The following CBFA2T3 variants were observed in gnomAD, a reference collection of about 807,000 sequenced individuals.
CBFA2T3 encodes CBFA2/RUNX1 partner transcriptional co-repressor 3.
CBFA2T3 carries 31 observed loss-of-function variants against 58.6 expected under a neutral mutation model. The observed-to-expected ratio is 0.53, with a 90% confidence interval of 0.40 to 0.71. The LOEUF (loss-of-function observed/expected upper bound fraction) is 0.71, where lower values mean the gene tolerates loss of function less well. Ranked by LOEUF, CBFA2T3 falls within the 30% of genes least tolerant of loss-of-function variation. The pLI is 0.00. For missense variants in CBFA2T3, 1,076 were observed against 963.1 expected, an observed-to-expected ratio of 1.12 and a Z score of -1.55; for synonymous variants, 531 against 421.9, an observed-to-expected ratio of 1.26 and a Z score of -3.17.
In CBFA2T3 at chr16:88,881,427, C is replaced by T. The variant is rs1391855616; in HGVS notation, c.1266G>A (p.Arg422=). ...KTRRSLTVLR[R]CQEADREELN... is the part of the protein sequence containing the mutation. The stretch of plus-strand genomic sequence containing the variant: ...GCTCCTCGCGGTCGGCCTCCTGGCA[C>T]CTGCGCAGCACCGTGAGCGAGCGCC... Residue 422 remains arginine (R), a synonymous_variant, in exon 9 of 12, where the codon AGG becomes AGA. Transcript: ENST00000268679. 1.9e-6 allele frequency: 3 copies of T among 1,609,856 alleles called. No homozygotes were observed. The highest frequency in any genetic ancestry group is 1.7e-6 in the Non-Finnish European group (2 of 1,178,860).
chr16:88,901,672 A>G lies in CBFA2T3; in HGVS notation c.152-16T>C. On this transcript the variant is annotated splice_polypyrimidine_tract_variant and intron_variant, in intron 1 of 11. Transcript: ENST00000268679. The stretch of plus-strand genomic sequence containing the variant: ...TCCACTGGGGCTGCGACCAACGGAG[A>G]AAGAAAGAGTCGGTGAAGCAGGCTA... 2 of 1,518,094 alleles carry G rather than the reference A, an allele frequency of 1.3e-6. No individual in the cohort carries two copies. The highest frequency in any genetic ancestry group is 1.5e-5 in the African/African-American group (1 of 68,464). The allele number at this position is 1,518,094 out of a possible 1,614,324, so 94.0% of individuals were successfully genotyped here.
intron 1 of CBFA2T3, among the ~76,000 whole-genome samples, chr16:88,930,091 T>C (rs1971238412): frequency 6.9e-6 from 1 of 145,536 alleles, no homozygotes; most frequent in Non-Finnish European, 1.5e-5. Context: ...CACAGCTGCA[T>C]GGTCCACGTA....
At chr16:88,945,529 A>G (rs1436060476) in intron 1 of CBFA2T3, among the ~76,000 whole-genome samples, 1 of 152,264 alleles carries the variant, frequency 6.6e-6, no homozygotes, top group Non-Finnish European at 1.5e-5. Context: ...CTCATCAGAG[A>G]AGAGATCTAG....
At chr16:88,941,475 G>T (rs1218325846) in intron 1 of CBFA2T3, among the ~76,000 whole-genome samples, 2 of 148,228 alleles carry the variant, frequency 1.3e-5, no homozygotes, top group African/African-American at 4.9e-5. Context: ...CGCCGGCCTG[G>T]AGAGGGGCTC....
In CBFA2T3 at chr16:88,879,495, G is replaced by T. The variant is rs756541203; in HGVS notation, c.1472-35C>A. On this transcript the variant is annotated intron_variant, in intron 10 of 11. Transcript: ENST00000268679. ...ACATGGGCAGGGCTGGCGGTCACAT[G>T]GGCCATCCCAGATGGGTCTCTGGAC... The T allele has an allele frequency of 2.5e-6, 4 of 1,588,364 alleles. No individual in the cohort carries two copies. In the African/African-American group the frequency reaches 4.0e-5, roughly 16 times the overall value.
chr16:88,953,439 C>T lies in CBFA2T3; in HGVS notation c.151+23218G>A, dbSNP rs1972130764. 6.6e-6 allele frequency among the ~76,000 whole-genome samples: 1 copy of T among 152,200 alleles called. No homozygotes were observed. The highest frequency in any genetic ancestry group is 1.5e-5 in the Non-Finnish European group (1 of 68,020). On this transcript the variant is annotated intron_variant, in intron 1 of 11. Transcript: ENST00000268679. This position sits in a 1 kb window ranked among gnomAD's most constrained non-coding sequence, Gnocchi z 4.9. ...CACTGTGTCCAGAGGCCAGCATAGC[C>T]CTCAAAACGGTTCCCACAGCTCCCA... is the stretch of plus-strand genomic sequence containing the variant.
At position 88,907,032 on chromosome 16, in the gene CBFA2T3, C is replaced by T. The variant is rs150669141; in HGVS notation, c.152-5376G>A. ...GGGGTGGCCGGCTCTGAGGCATGAG[C>T]GGAAGGACCATCTTTCAAACCCCAA... On this transcript the variant is annotated intron_variant, in intron 1 of 11. Transcript: ENST00000268679. Among the ~76,000 whole-genome samples the T allele has an allele frequency of 3.4e-3, 513 of 152,210 alleles. 1 individual carries two copies. Among genetic ancestry groups the T allele is most frequent in the African/African-American group, 0.011 (467 of 41,540 alleles).
chr16:88,931,027 C>A (rs1218304353), intron 1 of CBFA2T3, among the ~76,000 whole-genome samples: 2 of 152,026 alleles, frequency 1.3e-5, no homozygotes, highest in African/African-American at 4.8e-5. Context: ...TATTTTCCCA[C>A]AATTAAAAAA....
chr16:88,976,446 C>T (rs1048071458), intron 1 of CBFA2T3, among the ~76,000 whole-genome samples: 1 of 152,130 alleles, frequency 6.6e-6, no homozygotes, highest in African/African-American at 2.4e-5. Flanking sequence ...TGGCTGGCAC[C>T]TGCCAAACCC....
intron 1 of CBFA2T3, among the ~76,000 whole-genome samples, chr16:88,912,635 C>G (rs141061486): frequency 6.6e-6 from 1 of 152,336 alleles, no homozygotes; most frequent in Non-Finnish European, 1.5e-5. Flanking sequence ...CTCGTGTTTA[C>G]GCCCGTCTCC....
At chr16:88,878,026 C>A (rs1051605309) in intron 11 of CBFA2T3, among the ~76,000 whole-genome samples, 16 of 152,250 alleles carry the variant, frequency 1.1e-4, no homozygotes, top group South Asian at 4.1e-4. Flanking sequence ...AGCTTCCCTG[C>A]GGACTAGGCA....
chr16:88,896,870 G>A (rs1449076784), intron 3 of CBFA2T3, among the ~76,000 whole-genome samples: 10 of 152,110 alleles, frequency 6.6e-5, no homozygotes, highest in African/African-American at 1.9e-4. Context: ...CGGCCTGCTC[G>A]CCCTCGCCTG....
chr16:88,969,190 C>T (rs764615903), intron 1 of CBFA2T3, among the ~76,000 whole-genome samples: 21 of 152,328 alleles, frequency 1.4e-4, no homozygotes, highest in African/African-American at 2.4e-4. Flanking sequence ...GCAGCGGACA[C>T]GGCTGGAGGG....
chr16:88,974,533 C>T (rs576268525), intron 1 of CBFA2T3, among the ~76,000 whole-genome samples: 34 of 152,268 alleles, frequency 2.2e-4, no homozygotes, highest in Admixed American at 5.2e-4. Flanking sequence ...CTCTCCTGCC[C>T]GCCACCAAAC....
intron 1 of CBFA2T3, among the ~76,000 whole-genome samples, chr16:88,956,976 G>A (rs1265424669): frequency 2.1e-5 from 3 of 142,464 alleles, no homozygotes; most frequent in Non-Finnish European, 4.6e-5. Context: ...CTCACCCGGA[G>A]ACTGCGGCAG....
intron 2 of CBFA2T3, among the ~76,000 whole-genome samples, chr16:88,900,974 C>T (rs1377247084): frequency 3.9e-5 from 6 of 152,260 alleles, no homozygotes; most frequent in African/African-American, 9.6e-5. Flanking sequence ...CCCTGGCCCC[C>T]GTGCTCAGCC....
chr16:88,945,037 C>G (rs1189739451), intron 1 of CBFA2T3, among the ~76,000 whole-genome samples: 5 of 152,212 alleles, frequency 3.3e-5, no homozygotes, highest in Non-Finnish European at 7.3e-5. Context: ...TATAGACTCT[C>G]AAACATTTTC....
At chr16:88,966,213 C>T (rs1972499784) in intron 1 of CBFA2T3, among the ~76,000 whole-genome samples, 1 of 152,230 alleles carries the variant, frequency 6.6e-6, no homozygotes, top group Admixed American at 6.5e-5. Flanking sequence ...ACCTGAGTCA[C>T]AGCACGGCTT....
intron 1 of CBFA2T3, among the ~76,000 whole-genome samples, chr16:88,921,046 C>A (rs987855377): frequency 6.6e-6 from 1 of 152,262 alleles, no homozygotes; most frequent in Non-Finnish European, 1.5e-5. Context: ...CTTGGCGGAA[C>A]CTCCCTGCTC....
Sources: gnomAD v4.1 joint callset for allele counts (sites outside exome capture counted in the v4.1 genomes callset) on GRCh38, gnomAD v4.1.1 for gene constraint, Gnocchi (gnomAD v3.1) non-coding constraint, MANE v1.5 for transcripts, NCBI Gene and HGNC (gene_info 2026-07-23, HGNC 2026-07-21) for gene names.